ZDHHC15: variants seen among roughly 807,000 people sequenced by gnomAD.
The protein encoded by ZDHHC15 is zDHHC palmitoyltransferase 15.
ZDHHC15 carries 19 observed loss-of-function variants against 31.7 expected under a neutral mutation model. That is an observed-to-expected ratio of 0.60 (90% CI 0.42 to 0.88). ZDHHC15 has a LOEUF of 0.88. Ranked by LOEUF, ZDHHC15 falls within the 40% of genes least tolerant of loss-of-function variation. The probability of loss-of-function intolerance (pLI) is 0.00; values close to 1 mark genes in which losing one functional copy is unlikely to be tolerated. For synonymous variants in ZDHHC15, 103 were observed against 90.0 expected (o/e 1.14, Z -0.82); for missense variants, 209 against 251.2 (o/e 0.83, Z 1.14).
intron 3 of ZDHHC15, among the ~76,000 whole-genome samples, chrX:75,460,260 C>T (rs1012368953): frequency 1.3e-4 from 14 of 111,409 alleles, no homozygotes; most frequent in Non-Finnish European, 2.3e-4. Flanking sequence ...TCCACCTAGG[C>T]TTATAGGGAC....
intron 9 of ZDHHC15, among the ~76,000 whole-genome samples, chrX:75,419,160 A>G (rs755557103): frequency 8.0e-4 from 89 of 111,605 alleles, no homozygotes; most frequent in African/African-American, 2.9e-3. Context: ...GAGTGAACAG[A>G]CAATCTACAG....
intron 3 of ZDHHC15, among the ~76,000 whole-genome samples, chrX:75,477,799 T>G (rs2084629778): frequency 8.9e-6 from 1 of 112,071 alleles, no homozygotes; most frequent in Non-Finnish European, 1.9e-5. Flanking sequence ...ATCACAATTT[T>G]TTATCCATTC....
intron 2 of ZDHHC15, among the ~76,000 whole-genome samples, chrX:75,500,514 G>T (rs952801531): frequency 4.6e-5 from 5 of 109,163 alleles, no homozygotes; most frequent in South Asian, 3.8e-4. Flanking sequence ...CAAAGAAAAA[G>T]ATCTCAAATA....
intron 3 of ZDHHC15, among the ~76,000 whole-genome samples, chrX:75,459,360 A>ATTT (rs948453469): frequency 8.9e-6 from 1 of 111,855 alleles, no homozygotes; most frequent in African/African-American, 3.3e-5. Context: ...CTGGCTTGTA[A>ATTT]TTCTAGCCAG....
intron 10 of ZDHHC15, among the ~76,000 whole-genome samples, chrX:75,386,413 G>T (rs1457481043): frequency 8.9e-6 from 1 of 111,921 alleles, no homozygotes. Flanking sequence ...AAATAAAGAG[G>T]CAATTTATCA....
intron 4 of ZDHHC15, among the ~76,000 whole-genome samples, chrX:75,436,775 T>A (rs1434203351): frequency 8.8e-6 from 1 of 113,062 alleles, no homozygotes; most frequent in East Asian, 2.7e-4. Context: ...TCTTGAATAA[T>A]GTTCCATGTG....
intron 10 of ZDHHC15, among the ~76,000 whole-genome samples, chrX:75,400,569 T>C (rs1303788325): frequency 1.8e-5 from 2 of 111,944 alleles, no homozygotes; most frequent in Admixed American, 9.4e-5. Context: ...CAGGATATTG[T>C]CCATGAAAAC....
chrX:75,391,292 G>A (rs1336874481), intron 10 of ZDHHC15, among the ~76,000 whole-genome samples: 2 of 111,341 alleles, frequency 1.8e-5, no homozygotes, highest in African/African-American at 6.5e-5. Context: ...GAAAGATAGG[G>A]GTAGAAAGTT....
At chrX:75,413,604 G>T (rs1445660175) in intron 10 of ZDHHC15, among the ~76,000 whole-genome samples, 3 of 109,666 alleles carry the variant, frequency 2.7e-5, no homozygotes, top group Non-Finnish European at 3.8e-5. Flanking sequence ...GGCAGAGGTT[G>T]CAGTGAGCCG....
intron 2 of ZDHHC15, among the ~76,000 whole-genome samples, chrX:75,499,715 G>A (rs762589870): frequency 8.9e-6 from 1 of 111,858 alleles, no homozygotes; most frequent in Non-Finnish European, 1.9e-5. Flanking sequence ...AAAACATTAC[G>A]GAGATTCCCT....
chrX:75,469,391 C>T (rs2084466865), intron 3 of ZDHHC15, among the ~76,000 whole-genome samples: 1 of 111,754 alleles, frequency 8.9e-6, no homozygotes, highest in Non-Finnish European at 1.9e-5. Flanking sequence ...TAAATAACTC[C>T]ACATTTCCCT....
chrX:75,406,089 C>T lies in ZDHHC15; in HGVS notation c.967+10998G>A, dbSNP rs193054046. On this transcript the variant is annotated intron_variant, in intron 10 of 11. Coordinates refer to ENST00000373367, the MANE Select transcript of ZDHHC15 (RefSeq NM_144969.3). ...GCACAAACACATAGAAATTAAAAAG[C>T]ATGCTCCTGGGCCAATGAGTCAATG... Among the ~76,000 whole-genome samples, 5 of 111,552 alleles carry T rather than the reference C, an allele frequency of 4.5e-5. No homozygotes were observed. The East Asian group carries it at 8.4e-4, about 19-fold the overall frequency.
intron 3 of ZDHHC15, among the ~76,000 whole-genome samples, chrX:75,478,501 G>T (rs917176015): frequency 1.8e-5 from 2 of 111,293 alleles, no homozygotes; most frequent in Admixed American, 9.6e-5. Context: ...TCCTGCCTCT[G>T]CCTCCTGAGT....
At chrX:75,482,899 G>C (rs2147988240) in intron 2 of ZDHHC15, among the ~76,000 whole-genome samples, 1 of 108,723 alleles carries the variant, frequency 9.2e-6, no homozygotes, top group South Asian at 4.0e-4. Context: ...TTGAACTCTG[G>C]ATTTGCCCTT....
intron 4 of ZDHHC15, among the ~76,000 whole-genome samples, chrX:75,448,281 A>G (rs2084061640): frequency 1.8e-5 from 2 of 112,220 alleles, no homozygotes; most frequent in Non-Finnish European, 3.8e-5. Context: ...CACGTCAGGT[A>G]AAAAACCAGT....
At chrX:75,466,461 A>C (rs1281577361) in intron 3 of ZDHHC15, among the ~76,000 whole-genome samples, 2 of 111,634 alleles carry the variant, frequency 1.8e-5, no homozygotes, top group East Asian at 5.6e-4. Context: ...AAGAAATATA[A>C]ATTATTTGAG....
intron 9 of ZDHHC15, 140 bp from the exon 10 acceptor site, chrX:75,417,330 A>C (rs1391345619): frequency 1.0e-5 from 4 of 389,906 alleles, no homozygotes; most frequent in Non-Finnish European, 1.8e-5. Context: ...GGGCTCTTAC[A>C]ATAGCATTAT....
intron 3 of ZDHHC15, among the ~76,000 whole-genome samples, chrX:75,474,853 C>T (rs1025501655): frequency 2.7e-5 from 3 of 109,671 alleles, no homozygotes; most frequent in Admixed American, 9.9e-5. Flanking sequence ...GTCAGGAGAT[C>T]GAGACCATCC....
At chrX:75,522,703 G>C (rs1321350154) in intron 1 of ZDHHC15, among the ~76,000 whole-genome samples, 186 bp downstream of exon 1, 2 of 110,261 alleles carry the variant, frequency 1.8e-5, no homozygotes, top group Non-Finnish European at 3.8e-5. Flanking sequence ...GACACGGCGG[G>C]ACCCTGGTGG....
Sources: allele counts gnomAD v4.1 joint callset (sites outside exome capture counted in the v4.1 genomes callset), GRCh38; gene constraint gnomAD v4.1.1; transcripts MANE v1.5; gene names NCBI Gene and HGNC (gene_info 2026-07-23, HGNC 2026-07-21).